MARCHF1: variants seen among roughly 807,000 people sequenced by gnomAD.
The protein encoded by MARCHF1 is E3 ubiquitin-protein ligase MARCHF1.
A neutral mutation model predicts 54.2 loss-of-function variants in MARCHF1; 40 were observed. That is an observed-to-expected ratio of 0.74 (90% CI 0.57 to 0.96). The LOEUF (loss-of-function observed/expected upper bound fraction) is 0.96, where lower values mean the gene tolerates loss of function less well. Among genes scored for constraint, MARCHF1 ranks in the 40% least tolerant of loss-of-function variants. The probability of loss-of-function intolerance (pLI) is 0.00; values close to 1 mark genes in which losing one functional copy is unlikely to be tolerated. For synonymous variants in MARCHF1, 236 were observed against 236.3 expected, an observed-to-expected ratio of 1.00 and a Z score of 0.01; for missense variants, 586 against 656.5, an observed-to-expected ratio of 0.89 and a Z score of 1.17.
intron 1 of MARCHF1, among the ~76,000 whole-genome samples, chr4:164,288,498 C>CA (rs1050076641): frequency 4.0e-5 from 6 of 150,974 alleles, no homozygotes; most frequent in African/African-American, 1.5e-4. Context: ...GCTAAATGAA[C>CA]AAAAACTGAA....
intron 1 of MARCHF1, among the ~76,000 whole-genome samples, chr4:164,359,160 G>A (rs927386144): frequency 1.3e-5 from 2 of 152,048 alleles, no homozygotes; most frequent in Admixed American, 6.6e-5. Context: ...GAGAATATTC[G>A]GAAGATGTGG....
At chr4:163,799,404 G>A (rs977124794) in intron 4 of MARCHF1, among the ~76,000 whole-genome samples, 41 of 152,074 alleles carry the variant, frequency 2.7e-4, no homozygotes, top group African/African-American at 9.7e-4. Flanking sequence ...AGTGTTTAGC[G>A]TACTATTTAA....
At chr4:164,196,906 AG>A in intron 1 of MARCHF1, 1 of 1,425,846 alleles carries the variant, frequency 7.0e-7, no homozygotes, top group Non-Finnish European at 9.8e-7. Flanking sequence ...GCAGGATTGG[AG>A]GGGGGAGGGG....
At chr4:164,028,225 A>C (rs1018261356) in intron 2 of MARCHF1, among the ~76,000 whole-genome samples, 1 of 152,204 alleles carries the variant, frequency 6.6e-6, no homozygotes, top group African/African-American at 2.4e-5. Context: ...TATTGGGTAT[A>C]TACCAAAAGG....
At chr4:164,211,351 A>G (rs1731767239) in intron 1 of MARCHF1, among the ~76,000 whole-genome samples, 2 of 117,426 alleles carry the variant, frequency 1.7e-5, no homozygotes, top group Non-Finnish European at 2.1e-5. Flanking sequence ...ATATATATAT[A>G]TATACCACAT....
At chr4:164,232,076 A>T (rs1209102991) in intron 1 of MARCHF1, among the ~76,000 whole-genome samples, 1 of 152,166 alleles carries the variant, frequency 6.6e-6, no homozygotes, top group Non-Finnish European at 1.5e-5. Flanking sequence ...TAAAGAAAAG[A>T]AGGCAGCCAC....
intron 4 of MARCHF1, among the ~76,000 whole-genome samples, chr4:163,845,868 T>C (rs1318367279): frequency 6.6e-6 from 1 of 152,214 alleles, no homozygotes; most frequent in Admixed American, 6.5e-5. Flanking sequence ...GCACAGCTAA[T>C]GTAATTTTTT....
intron 3 of MARCHF1, among the ~76,000 whole-genome samples, chr4:163,894,499 A>T (rs1317170858): frequency 6.6e-6 from 1 of 150,664 alleles, no homozygotes; most frequent in African/African-American, 2.4e-5. Context: ...GATGACAGTT[A>T]TACACAGAAG....
chr4:163,823,636 A>C (rs1748761408), intron 4 of MARCHF1, among the ~76,000 whole-genome samples: 1 of 151,914 alleles, frequency 6.6e-6, no homozygotes, highest in African/African-American at 2.4e-5. Context: ...TTCTTAGATT[A>C]TTAACTGAGT....
At chr4:163,852,249 C>A (rs575330997) in intron 4 of MARCHF1, among the ~76,000 whole-genome samples, 1 of 152,042 alleles carries the variant, frequency 6.6e-6, no homozygotes, top group East Asian at 1.9e-4. Flanking sequence ...GGCCATGGTG[C>A]AAGCTGTAAA....
chr4:164,100,973 C>T (rs1373098370), intron 2 of MARCHF1, among the ~76,000 whole-genome samples: 2 of 152,224 alleles, frequency 1.3e-5, no homozygotes, highest in Non-Finnish European at 2.9e-5. Context: ...TCAGGGATTT[C>T]CCTTTCTGAG....
chr4:163,947,746 G>T (rs553904531), intron 3 of MARCHF1, among the ~76,000 whole-genome samples: 1 of 152,210 alleles, frequency 6.6e-6, no homozygotes, highest in South Asian at 2.1e-4. Context: ...TAGGAAACTA[G>T]TAGCGTAGCT....
intron 1 of MARCHF1, among the ~76,000 whole-genome samples, chr4:164,368,255 T>G (rs1224694752): frequency 6.6e-6 from 1 of 151,234 alleles, no homozygotes. Context: ...GAAGTAGAGA[T>G]TTTTTTAAAA....
At chr4:164,344,911 C>A (rs995195338) in intron 1 of MARCHF1, among the ~76,000 whole-genome samples, 2 of 152,114 alleles carry the variant, frequency 1.3e-5, no homozygotes, top group African/African-American at 4.8e-5. Flanking sequence ...TTCTTCATAA[C>A]CAAAATCAAT....
intron 5 of MARCHF1, among the ~76,000 whole-genome samples, chr4:163,681,838 G>T (rs1028657929): frequency 6.6e-6 from 1 of 152,178 alleles, no homozygotes; most frequent in Non-Finnish European, 1.5e-5. Context: ...AGAGTGGGGT[G>T]TTGCTGTAAG....
intron 1 of MARCHF1, among the ~76,000 whole-genome samples, chr4:164,205,311 G>T (rs1731575931): frequency 6.6e-6 from 1 of 152,070 alleles, no homozygotes; most frequent in African/African-American, 2.4e-5. Context: ...TATTTTATTT[G>T]CTGTTTATAA....
intron 1 of MARCHF1, among the ~76,000 whole-genome samples, chr4:164,213,341 T>C (rs1731835001): frequency 1.3e-5 from 2 of 151,582 alleles, no homozygotes; most frequent in Non-Finnish European, 2.9e-5. Context: ...TCACGTCATT[T>C]TCCTGCCTCA....
At chr4:164,079,768 A>G (rs1284683126) in intron 2 of MARCHF1, among the ~76,000 whole-genome samples, 1 of 152,124 alleles carries the variant, frequency 6.6e-6, no homozygotes, top group Non-Finnish European at 1.5e-5. Flanking sequence ...GACCATTATC[A>G]ATATACTATG....
intron 1 of MARCHF1, among the ~76,000 whole-genome samples, chr4:164,205,204 T>C (rs1271092959): frequency 2.6e-5 from 4 of 152,138 alleles, no homozygotes; most frequent in Non-Finnish European, 5.9e-5. Context: ...AAGAAAACAA[T>C]CTATGTATAA....
Sources: allele counts gnomAD v4.1 joint callset (sites outside exome capture counted in the v4.1 genomes callset), GRCh38; gene constraint gnomAD v4.1.1; transcripts MANE v1.5; gene names NCBI Gene and HGNC (gene_info 2026-07-23, HGNC 2026-07-21).